The following WLS variants were observed in gnomAD, a reference collection of about 807,000 sequenced individuals.
The protein encoded by WLS is Wnt ligand secretion mediator.
In WLS, 23 loss-of-function variants were observed where a neutral mutation model predicts 62.8. The observed-to-expected ratio is 0.37, with a 90% CI of 0.26 to 0.52. The LOEUF (loss-of-function observed/expected upper bound fraction) is 0.52. Ranked by LOEUF, WLS falls within the 20% of genes least tolerant of loss-of-function variation. The pLI is 0.92. For synonymous variants in WLS, 246 were observed against 244.1 expected (o/e 1.01, Z -0.07); for missense variants, 615 against 697.3 (o/e 0.88, Z 1.33).
chr1:68,129,318 AAAACT>A (rs1361010253), intron 11 of WLS, among the ~76,000 whole-genome samples: 1 of 88,198 alleles, frequency 1.1e-5, no homozygotes, highest in South Asian at 3.6e-4. Flanking sequence ...GAGTGTCTCA[AAAACT>A]AAACAAAACA....
At chr1:68,146,101 C>T (rs983411442) in intron 8 of WLS, 89 bp from the exon 9 acceptor site, 4 of 1,438,484 alleles carry the variant, frequency 2.8e-6, no homozygotes, top group Non-Finnish European at 3.8e-6. Context: ...GTTGGCAATA[C>T]TTGTTTTGTC....
Position 68,232,339 on chromosome 1 carries a change from G to A in WLS, c.-40C>T, listed in dbSNP as rs770812081. On this transcript the variant is annotated 5_prime_UTR_variant, in exon 1 of 12. Transcript: ENST00000262348. Reference sequence around the variant, plus strand: ...TTTTTCTTTTCTCCTTGAAATAAATGTTTTAGGGTGAGCTTTTTGCTCCCT... The same window carrying A: ...TTTTTCTTTTCTCCTTGAAATAAATATTTTAGGGTGAGCTTTTTGCTCCCT... 3 of 1,605,006 alleles carry A rather than the reference G, an allele frequency of 1.9e-6. No individual in the cohort carries two copies. In the Admixed American group the frequency reaches 5.1e-5, roughly 27 times the overall value.
chr1:68,216,768 ATTAT>A (rs1191821546), intron 1 of WLS, among the ~76,000 whole-genome samples: 1 of 152,178 alleles, frequency 6.6e-6, no homozygotes, highest in East Asian at 1.9e-4. Flanking sequence ...TGGTTTTCAT[ATTAT>A]TTAATTCAAG....
rs573145298 is a variant in WLS at position 68,115,514 on chromosome 1, CTG to C, written c.1511-16763_1511-16762del. Among the ~76,000 whole-genome samples, 8 of 152,304 alleles carry C rather than the reference CTG, an allele frequency of 5.3e-5. No individual in the cohort carries two copies. In the East Asian group the frequency reaches 1.5e-3, roughly 29 times the overall value. ...AGTCGGGCACAGCCTTGAGTGCTGGCTGTGTGACACAGGGCAAGTCACTCAAC... is the reference window on the plus strand; with the variant it reads ...AGTCGGGCACAGCCTTGAGTGCTGGCTGTGACACAGGGCAAGTCACTCAAC... On this transcript the variant is annotated intron_variant, in intron 11 of 11. Coordinates refer to the WLS transcript ENST00000354777.
chr1:68,132,349 A>T (rs1170973452), intron 11 of WLS, among the ~76,000 whole-genome samples: 6 of 152,202 alleles, frequency 3.9e-5, no homozygotes, highest in Non-Finnish European at 2.9e-5. Context: ...GACCAATCCC[A>T]TCAGTGCTCA....
chr1:68,229,451 C>T (rs1300983050), intron 1 of WLS, among the ~76,000 whole-genome samples: 1 of 152,172 alleles, frequency 6.6e-6, no homozygotes, highest in Non-Finnish European at 1.5e-5. Context: ...GGACAACTGA[C>T]TTTTTAAGTG....
At chr1:68,153,240 C>T (rs534092148) in intron 5 of WLS, among the ~76,000 whole-genome samples, 26 of 152,128 alleles carry the variant, frequency 1.7e-4, no homozygotes, top group Non-Finnish European at 2.8e-4. Context: ...CAGCACTGCA[C>T]TCCAGCCTGG....
chr1:68,103,542 G>A (rs969543400), intron 11 of WLS, among the ~76,000 whole-genome samples: 2 of 152,304 alleles, frequency 1.3e-5, no homozygotes, highest in Non-Finnish European at 2.9e-5. Context: ...AGTGATTGGA[G>A]GCTGTACTGG....
chr1:68,231,136 G>A (rs1054485550), intron 1 of WLS, among the ~76,000 whole-genome samples: 3 of 152,212 alleles, frequency 2.0e-5, no homozygotes, highest in Non-Finnish European at 2.9e-5. Flanking sequence ...GAGGGGGCGG[G>A]GGGCGCGAGT....
At chr1:68,119,851 C>A (rs898325414) in intron 11 of WLS, among the ~76,000 whole-genome samples, 6 of 152,236 alleles carry the variant, frequency 3.9e-5, no homozygotes, top group Admixed American at 2.0e-4. Context: ...ATAGAAATAA[C>A]TCCTATCTTG....
intron 11 of WLS, among the ~76,000 whole-genome samples, chr1:68,118,875 C>CAAAAAAAAAAAAAAAAAAAAAAA (rs33982774): frequency 7.6e-5 from 2 of 26,390 alleles, no homozygotes; most frequent in African/African-American, 1.2e-4. Flanking sequence ...GACTCTGTCT[C>CAAAAAAAAAAAAAAAAAAAAAAA]AAAAAAAAAA....
At chr1:68,218,831 A>G (rs1649836480) in intron 1 of WLS, among the ~76,000 whole-genome samples, 1 of 152,230 alleles carries the variant, frequency 6.6e-6, no homozygotes, top group Non-Finnish European at 1.5e-5. Context: ...AGAGGTAGTT[A>G]CTTGAATGAA....
downstream of WLS, among the ~76,000 whole-genome samples, chr1:68,120,470 T>A (rs181831671): frequency 3.2e-3 from 494 of 152,348 alleles, 3 homozygotes; most frequent in Non-Finnish European, 3.4e-3. Context: ...TTGACTCTTC[T>A]GCTGCAAATA....
At chr1:68,183,821 T>C (rs1647739597) in intron 2 of WLS, among the ~76,000 whole-genome samples, 1 of 152,094 alleles carries the variant, frequency 6.6e-6, no homozygotes. Flanking sequence ...CTGGTAATAA[T>C]ATCATTCTAA....
intron 11 of WLS, among the ~76,000 whole-genome samples, chr1:68,103,016 G>A (rs1036030008): frequency 2.0e-5 from 3 of 152,160 alleles, no homozygotes; most frequent in African/African-American, 7.2e-5. Flanking sequence ...TGTCACCAGT[G>A]TCTTGAGATA....
At chr1:68,213,957 A>T (rs1649626074) in intron 1 of WLS, among the ~76,000 whole-genome samples, 1 of 152,094 alleles carries the variant, frequency 6.6e-6, no homozygotes. Context: ...AACCATCCCC[A>T]GCACTACTGC....
chr1:68,205,573 C>G (rs1471393506), intron 1 of WLS, among the ~76,000 whole-genome samples: 1 of 152,082 alleles, frequency 6.6e-6, no homozygotes, highest in Non-Finnish European at 1.5e-5. Context: ...GAATAGAAAG[C>G]AAATGGGGGA....
chr1:68,117,202 T>C (rs1227124481), intron 11 of WLS, among the ~76,000 whole-genome samples: 1 of 152,218 alleles, frequency 6.6e-6, no homozygotes, highest in East Asian at 1.9e-4. Flanking sequence ...ACTTTATCTG[T>C]ACAATTGCAG....
downstream of WLS, among the ~76,000 whole-genome samples, chr1:68,122,625 C>G (rs1346985898): frequency 6.6e-6 from 1 of 152,120 alleles, no homozygotes; most frequent in East Asian, 1.9e-4. Flanking sequence ...TCCTTTAAAG[C>G]TGCTTGAAAA....
Sources: gnomAD v4.1 joint callset for allele counts (sites outside exome capture counted in the v4.1 genomes callset) on GRCh38, gnomAD v4.1.1 for gene constraint, MANE v1.5 for transcripts, NCBI Gene and HGNC (gene_info 2026-07-23, HGNC 2026-07-21) for gene names.